Variants in POF1B observed in about 807,000 individuals in gnomAD.
POF1B encodes protein POF1B.
POF1B carries 53 observed loss-of-function variants against 55.3 expected under a neutral mutation model. That is an observed-to-expected ratio of 0.96 (90% CI 0.77 to 1.20). POF1B has a LOEUF of 1.20. Among genes scored for constraint, POF1B ranks in the 50% most tolerant of loss-of-function variants. The pLI is 0.00. For synonymous variants in POF1B, 188 were observed against 148.3 expected (o/e 1.27, Z -1.95); for missense variants, 478 against 420.5 (o/e 1.14, Z -1.20).
At chrX:85,369,558 A>G (rs139213328) in intron 2 of POF1B, among the ~76,000 whole-genome samples, 1,832 of 111,778 alleles carry the variant, frequency 0.016, 23 homozygotes, top group Middle Eastern at 0.046. Flanking sequence ...AACTTAAACC[A>G]AACAGTATCT....
At chrX:85,368,420 A>G (rs911989561) in intron 2 of POF1B, among the ~76,000 whole-genome samples, 1 of 111,723 alleles carries the variant, frequency 9.0e-6, no homozygotes, top group African/African-American at 3.2e-5. Context: ...AATTTTAAAA[A>G]TAAAATAAAA....
chrX:85,336,580 A>G lies in POF1B; in HGVS notation c.724-5501T>C, dbSNP rs917299322. Reference sequence around the variant, plus strand: ...TCAATGATGTTGAGCACATTTTTACACCTCCCGTTTGCCATTTGTACACCT... The same window carrying G: ...TCAATGATGTTGAGCACATTTTTACGCCTCCCGTTTGCCATTTGTACACCT... On this transcript the variant is annotated intron_variant, in intron 6 of 16. Transcript: ENST00000262753. Among the ~76,000 whole-genome samples, 3 of 109,974 alleles carry G rather than the reference A, an allele frequency of 2.7e-5. No individual in the cohort carries two copies. In the East Asian group the frequency reaches 8.7e-4, roughly 32 times the overall value.
At chrX:85,358,718 G>A (rs1362399912) in intron 4 of POF1B, among the ~76,000 whole-genome samples, 1 of 110,718 alleles carries the variant, frequency 9.0e-6, no homozygotes, top group Non-Finnish European at 1.9e-5. Context: ...ATAAAGATTA[G>A]ACAAGCTGGG....
chrX:85,332,057 C>T (rs1932988341), intron 6 of POF1B, among the ~76,000 whole-genome samples: 1 of 111,575 alleles, frequency 9.0e-6, no homozygotes, highest in African/African-American at 3.2e-5. Flanking sequence ...AATAGTGCTG[C>T]AATCAACATG....
At chrX:85,318,926 G>T (rs1932810842) in intron 7 of POF1B, among the ~76,000 whole-genome samples, 1 of 111,747 alleles carries the variant, frequency 8.9e-6, no homozygotes, top group African/African-American at 3.2e-5. Flanking sequence ...TAGTTTGATA[G>T]GAATAGCATC....
intron 3 of POF1B, among the ~76,000 whole-genome samples, chrX:85,366,017 C>T (rs778213174): frequency 5.1e-4 from 57 of 111,090 alleles, no homozygotes; most frequent in Middle Eastern, 9.3e-3. Flanking sequence ...TCAATGAGAA[C>T]AAAATCACAC....
intron 6 of POF1B, among the ~76,000 whole-genome samples, chrX:85,345,005 T>G (rs1933242863): frequency 9.0e-6 from 1 of 111,706 alleles, no homozygotes; most frequent in African/African-American, 3.2e-5. Context: ...ATTTCAAAAT[T>G]TCAGTTCTTA....
chrX:85,320,883 C>A (rs1173729098), intron 7 of POF1B, among the ~76,000 whole-genome samples: 4 of 110,357 alleles, frequency 3.6e-5, no homozygotes, highest in Non-Finnish European at 5.7e-5. Context: ...TCTCCCAAGA[C>A]TAAACCAGGA....
At chrX:85,347,036 T>A (rs1695597525) in intron 5 of POF1B, among the ~76,000 whole-genome samples, 1 of 111,117 alleles carries the variant, frequency 9.0e-6, no homozygotes, top group African/African-American at 3.3e-5. Flanking sequence ...ATCTTTGTTA[T>A]TTGCTTATTT....
chrX:85,359,080 A>C (rs1307657926), intron 4 of POF1B, among the ~76,000 whole-genome samples: 1 of 111,165 alleles, frequency 9.0e-6, no homozygotes, highest in Non-Finnish European at 1.9e-5. Flanking sequence ...TTCACACACC[A>C]CAGGCAATAA....
At chrX:85,286,945 A>G (rs1029098918) in intron 15 of POF1B, among the ~76,000 whole-genome samples, 3 of 111,416 alleles carry the variant, frequency 2.7e-5, no homozygotes, top group Non-Finnish European at 5.7e-5. Context: ...ATTAGTAAAT[A>G]TATAGATGAA....
chrX:85,349,870 C>T (rs1385277171), intron 5 of POF1B, among the ~76,000 whole-genome samples: 1 of 110,455 alleles, frequency 9.1e-6, no homozygotes, highest in Non-Finnish European at 1.9e-5. Context: ...TAATACAGTG[C>T]CCTAGTTCAA....
intron 5 of POF1B, among the ~76,000 whole-genome samples, chrX:85,347,601 T>C (rs1933298064): frequency 9.0e-6 from 1 of 111,161 alleles, no homozygotes; most frequent in Admixed American, 9.6e-5. Context: ...TCAATGTTTT[T>C]TATACTTTAA....
Position 85,330,958 on chromosome X carries a change from A to G in POF1B, c.845T>C (p.Ile282Thr). 2 of 1,186,616 alleles carry G rather than the reference A, an allele frequency of 1.7e-6. No individual in the cohort carries two copies. Among genetic ancestry groups the G allele is most frequent in the Non-Finnish European group, 2.3e-6 (2 of 883,641 alleles). ...YHCLLEHLQR[I>T]GGSKQDFEST... ...AATATGTTTACAGTACCTTCCTCCAATTCTCTGCAAATGTTCTAATAAGCA... is the reference window on the plus strand; with the variant it reads ...AATATGTTTACAGTACCTTCCTCCAGTTCTCTGCAAATGTTCTAATAAGCA... The change falls in exon 7 of 17, where the codon ATT becomes ACT. Residue 282 changes from isoleucine to threonine, a missense_variant. Physicochemically the swap from Ile to Thr is moderately conservative, Grantham distance 89. Transcript: ENST00000262753.
chrX:85,278,460 T>G lies in POF1B; in HGVS notation c.*961A>C, dbSNP rs1425647239. The G allele has an allele frequency of 9.0e-6, 1 of 111,381 alleles. No homozygotes were observed. The highest frequency in any genetic ancestry group is 1.9e-5 in the Non-Finnish European group (1 of 52,569). 9.2% of individuals were successfully genotyped at this position (111,381 alleles called of 1,213,427 possible). On this transcript the variant is annotated 3_prime_UTR_variant, in exon 17 of 17. Coordinates refer to ENST00000262753, the MANE Select transcript of POF1B (RefSeq NM_024921.4). The stretch of plus-strand genomic sequence containing the variant: ...ATACTTGTGTTCAGTTATGTTCACT[T>G]TGTAAGGTCATTAAAGCCTAATTGC...
chrX:85,346,498 G>A (rs1933274117), intron 5 of POF1B, among the ~76,000 whole-genome samples: 1 of 109,853 alleles, frequency 9.1e-6, no homozygotes. Context: ...AGTGGGTGAG[G>A]AGCAAAGTTC....
At chrX:85,377,465 C>A (rs1177548672) in intron 2 of POF1B, among the ~76,000 whole-genome samples, 2 of 111,781 alleles carry the variant, frequency 1.8e-5, no homozygotes, top group Non-Finnish European at 1.9e-5. Context: ...ATTAATACTT[C>A]TTTTTTTCCC....
chrX:85,349,666 C>A (rs1394282707), intron 5 of POF1B, among the ~76,000 whole-genome samples: 1 of 111,103 alleles, frequency 9.0e-6, no homozygotes, highest in Non-Finnish European at 1.9e-5. Flanking sequence ...CATCTACAAG[C>A]CAAGGAATGT....
Position 85,294,080 on chromosome X carries a change from T to C in POF1B, c.1649+9326A>G, listed in dbSNP as rs753144698. Among the ~76,000 whole-genome samples the C allele has an allele frequency of 3.6e-5, 4 of 112,494 alleles. No homozygotes were observed. In the East Asian group the frequency reaches 1.1e-3, roughly 31 times the overall value. On this transcript the variant is annotated intron_variant, in intron 15 of 16. Transcript: ENST00000262753. ...GAATTTTTACATTAGTTTTGTATTCTGAAACTTTACTGAAATCATTTACTA... is the reference window on the plus strand; with the variant it reads ...GAATTTTTACATTAGTTTTGTATTCCGAAACTTTACTGAAATCATTTACTA...
Sources: gnomAD v4.1 joint callset for allele counts (sites outside exome capture counted in the v4.1 genomes callset) on GRCh38, gnomAD v4.1.1 for gene constraint, MANE v1.5 for transcripts, NCBI Gene and HGNC (gene_info 2026-07-23, HGNC 2026-07-21) for gene names.